The following STK10 variants were observed in gnomAD, a reference collection of about 807,000 sequenced individuals.
The protein encoded by STK10 is serine/threonine kinase 10.
Under a neutral mutation model 113.8 loss-of-function variants are expected in STK10, and 78 were observed. That is an observed-to-expected ratio of 0.69 (90% CI 0.57 to 0.83). The LOEUF (loss-of-function observed/expected upper bound fraction) is 0.83, where lower values mean the gene tolerates loss of function less well. Among genes scored for constraint, STK10 ranks in the 40% least tolerant of loss-of-function variants. STK10 has a pLI of 0.00. For synonymous variants in STK10, 465 were observed against 494.7 expected (o/e 0.94, Z 0.80); for missense variants, 1,109 against 1,280.1 (o/e 0.87, Z 2.04).
At position 172,057,424 on chromosome 5, in the gene STK10, C is replaced by T; in HGVS notation, c.2262G>A (p.Arg754=). ...TGAGCTGCTGCTTCACCAGCTGGTG[C>T]CTCTCCTGCAGCTGGTGCTCTTCCA... ...WEMEEHQLQE[R]HQLVKQQLKD... Residue 754 remains arginine (R), a synonymous_variant, in exon 15 of 19, where the codon AGG becomes AGA. Transcript: ENST00000176763. 4 of 1,551,774 alleles carry T rather than the reference C, an allele frequency of 2.6e-6. No individual in the cohort carries two copies. The highest frequency in any genetic ancestry group is 3.5e-6 in the Non-Finnish European group (4 of 1,147,874).
chr5:172,073,245 C>T lies in STK10; in HGVS notation c.1990-8433G>A, dbSNP rs191823666. On this transcript the variant is annotated intron_variant, in intron 12 of 18. Transcript: ENST00000176763. ...TTGGCTCACTGCAGCCTCTGCCTCC[C>T]GGGTTCAAGCAATTCTCCTGCTTCA... Among the ~76,000 whole-genome samples, 376 of 152,162 alleles carry T rather than the reference C, an allele frequency of 2.5e-3. 2 individuals are homozygous for T. The highest frequency in any genetic ancestry group is 8.6e-3 in the African/African-American group (358 of 41,510).
At chr5:172,131,860 C>T (rs1769763242) in intron 2 of STK10, among the ~76,000 whole-genome samples, 2 of 152,152 alleles carry the variant, frequency 1.3e-5, no homozygotes, top group South Asian at 4.1e-4. Context: ...GGAGGTGGGA[C>T]CAACAGTAAT....
In STK10 at chr5:172,159,143, G is replaced by T. The variant is rs1770412014; in HGVS notation, c.157-2355C>A. On this transcript the variant is annotated intron_variant, in intron 1 of 18. Transcript: ENST00000176763. ...ACAAGGAGCTAGTGTCTGGGAAATG[G>T]GAGGTGAGGACCCACAGCTCCCCAA... 2.0e-5 allele frequency among the ~76,000 whole-genome samples: 3 copies of T among 152,178 alleles called. No homozygotes were observed. In the South Asian group the frequency reaches 6.2e-4, roughly 32 times the overall value.
chr5:172,163,888 C>T (rs138276912), intron 1 of STK10, among the ~76,000 whole-genome samples: 42 of 152,174 alleles, frequency 2.8e-4, no homozygotes, highest in East Asian at 7.7e-4. Context: ...CAGAATACCG[C>T]GCTCCCTCTG....
At chr5:172,049,261 C>T (rs1339767807) in intron 18 of STK10, among the ~76,000 whole-genome samples, 5 of 152,080 alleles carry the variant, frequency 3.3e-5, no homozygotes, top group Admixed American at 2.6e-4. Flanking sequence ...ACGAATGAAC[C>T]ATCAAGCTAA....
At chr5:172,185,573 AC>A (rs1770941825) in intron 1 of STK10, among the ~76,000 whole-genome samples, 1 of 152,032 alleles carries the variant, frequency 6.6e-6, no homozygotes, top group Admixed American at 6.6e-5. Context: ...GGCCCAAAAA[AC>A]CCATATGTTT....
intron 2 of STK10, among the ~76,000 whole-genome samples, chr5:172,153,601 C>T (rs1286040764): frequency 6.6e-6 from 1 of 152,242 alleles, no homozygotes; most frequent in East Asian, 1.9e-4. Flanking sequence ...ACTTGGGGAA[C>T]AGCCAGTTTC....
intron 7 of STK10, among the ~76,000 whole-genome samples, chr5:172,102,197 C>A (rs1369194105): frequency 6.6e-6 from 1 of 151,858 alleles, no homozygotes; most frequent in East Asian, 1.9e-4. Context: ...GTAGTGGCTG[C>A]AATGGAGGGG....
In STK10 at chr5:172,102,490, C is replaced by T. The variant is rs560720357; in HGVS notation, c.870+3166G>A. Among the ~76,000 whole-genome samples the T allele has an allele frequency of 2.6e-5, 4 of 152,214 alleles. No homozygotes were observed. In the South Asian group the frequency reaches 6.2e-4, roughly 24 times the overall value. ...GAGGCATGGAGCTGGGAGTGCTGCACGCTGGGTGCGTGGAGATGGAGGGAG... is the reference window on the plus strand; with the variant it reads ...GAGGCATGGAGCTGGGAGTGCTGCATGCTGGGTGCGTGGAGATGGAGGGAG... On this transcript the variant is annotated intron_variant, in intron 7 of 18. Coordinates refer to ENST00000176763, the MANE Select transcript of STK10 (RefSeq NM_005990.4).
At position 172,075,327 on chromosome 5, in the gene STK10, G is replaced by C. The variant is rs72841767; in HGVS notation, c.1989+6999C>G. On this transcript the variant is annotated intron_variant, in intron 12 of 18. Coordinates refer to ENST00000176763, the MANE Select transcript of STK10 (RefSeq NM_005990.4). ...AGGAACTGTTGATATTCAGTAGTAA[G>C]AAAAATCACCCAGTTAAATAAACGG... 4.8e-3 allele frequency among the ~76,000 whole-genome samples: 726 copies of C among 152,222 alleles called. 2 individuals carry two copies. Among genetic ancestry groups the C allele is most frequent in the Non-Finnish European group, 7.6e-3 (517 of 68,004 alleles).
chr5:172,086,367 T>C (rs1330632744), intron 10 of STK10, among the ~76,000 whole-genome samples: 11 of 151,894 alleles, frequency 7.2e-5, no homozygotes, highest in African/African-American at 2.2e-4. Flanking sequence ...AACGAGGAAA[T>C]GGAAATCCTG....
intron 1 of STK10, among the ~76,000 whole-genome samples, chr5:172,176,014 C>T (rs1010770651): frequency 7.2e-5 from 11 of 152,174 alleles, no homozygotes; most frequent in Non-Finnish European, 1.0e-4. Context: ...ACCCACAGGG[C>T]CTGGCACAAG....
chr5:172,179,609 C>G (rs1770815136), intron 1 of STK10, among the ~76,000 whole-genome samples: 1 of 125,310 alleles, frequency 8.0e-6, no homozygotes, highest in South Asian at 2.4e-4. Flanking sequence ...GGGCAGGGCC[C>G]CACGCAGAAG....
intron 7 of STK10, among the ~76,000 whole-genome samples, chr5:172,097,529 C>T (rs1215199432): frequency 6.6e-6 from 1 of 152,232 alleles, no homozygotes; most frequent in Non-Finnish European, 1.5e-5. Context: ...TTCGCGTTGG[C>T]TTCCTTTACT....
intron 7 of STK10, among the ~76,000 whole-genome samples, chr5:172,105,348 C>T (rs1769075086): frequency 6.6e-6 from 1 of 152,136 alleles, no homozygotes; most frequent in African/African-American, 2.4e-5. Context: ...GCGCCCCACC[C>T]CTGCACTGTG....
Position 172,105,446 on chromosome 5 carries a change from A to G in STK10, c.870+210T>C, listed in dbSNP as rs1581158454. 17 of 591,758 alleles carry G rather than the reference A, an allele frequency of 2.9e-5. No individual in the cohort carries two copies. In the East Asian group the frequency reaches 4.2e-4, roughly 15 times the overall value. The allele number at this position is 591,758 out of a possible 1,614,324, so 36.7% of individuals were successfully genotyped here. On this transcript the variant is annotated intron_variant, in intron 7 of 18. Transcript: ENST00000176763. ...GTATCCCCACTGGAACACACGCTCC[A>G]TGAGGACAAGGTCTGGGTGGCTTCG...
intron 12 of STK10, among the ~76,000 whole-genome samples, chr5:172,076,488 G>A (rs575137756): frequency 4.5e-5 from 6 of 133,688 alleles, no homozygotes; most frequent in Admixed American, 7.5e-5. Flanking sequence ...TTGTGGGGGC[G>A]TCCTGTGCGT....
At chr5:172,071,227 A>G (rs7701075) in intron 12 of STK10, among the ~76,000 whole-genome samples, 1 of 146,740 alleles carries the variant, frequency 6.8e-6, no homozygotes, top group Non-Finnish European at 1.5e-5. Flanking sequence ...AAAAAAAAAA[A>G]AAAAAAAAAA....
intron 18 of STK10, among the ~76,000 whole-genome samples, chr5:172,047,131 TAAA>T (rs1156320669): frequency 1.3e-5 from 2 of 152,208 alleles, no homozygotes; most frequent in Admixed American, 6.5e-5. Flanking sequence ...TGCAAGAATG[TAAA>T]AGACCATTTA....
Sources: gnomAD v4.1 joint callset for allele counts (sites outside exome capture counted in the v4.1 genomes callset) on GRCh38, gnomAD v4.1.1 for gene constraint, MANE v1.5 for transcripts, NCBI Gene and HGNC (gene_info 2026-07-23, HGNC 2026-07-21) for gene names.